The following DNAAF4 variants were observed in gnomAD, a reference collection of about 807,000 sequenced individuals.
The protein encoded by DNAAF4 is dynein assembly factor 4, axonemal.
Under a neutral mutation model 51.8 loss-of-function variants are expected in DNAAF4, and 43 were observed. The observed-to-expected ratio is 0.83, with a 90% CI of 0.65 to 1.07. The LOEUF is 1.07. DNAAF4 is among the 50% of genes least tolerant of loss of function. The probability of loss-of-function intolerance (pLI) is 0.00; values close to 1 mark genes in which losing one functional copy is unlikely to be tolerated. For synonymous variants in DNAAF4, 194 were observed against 165.6 expected, an observed-to-expected ratio of 1.17 and a Z score of -1.32; for missense variants, 581 against 493.0, an observed-to-expected ratio of 1.18 and a Z score of -1.69.
chr15:55,465,386 G>GTA (rs146504575), intron 5 of DNAAF4, among the ~76,000 whole-genome samples: 397 of 32,540 alleles, frequency 0.012, 2 homozygotes, highest in South Asian at 0.02. Context: ...AAAATATGGT[G>GTA]TATATATACA....
intron 6 of DNAAF4, chr15:55,442,877 T>C (rs1490504087): frequency 6.2e-7 from 1 of 1,612,292 alleles, no homozygotes; most frequent in African/African-American, 1.3e-5. Context: ...GTAGCATCAA[T>C]CATGGTTGCA....
chr15:55,440,744 C>G (rs1294310040), intron 6 of DNAAF4, among the ~76,000 whole-genome samples: 1 of 151,250 alleles, frequency 6.6e-6, no homozygotes, highest in Non-Finnish European at 1.5e-5. Flanking sequence ...TACAGTAGCA[C>G]AATCTCGGTT....
chr15:55,436,803 G>A (rs369930173), intron 7 of DNAAF4, among the ~76,000 whole-genome samples: 1 of 152,114 alleles, frequency 6.6e-6, no homozygotes, highest in Non-Finnish European at 1.5e-5. Context: ...ACAGGCGTGA[G>A]CCACTGTGCC....
In DNAAF4 at chr15:55,448,832, T is replaced by C. The variant is rs185774925; in HGVS notation, c.783+1390A>G. 9.3e-3 allele frequency among the ~76,000 whole-genome samples: 1,407 copies of C among 151,386 alleles called. 17 individuals are homozygous for C. Among genetic ancestry groups the C allele is most frequent in the African/African-American group, 0.032 (1,318 of 41,256 alleles). Reference sequence around the variant, plus strand: ...TTGCAGTGAGCGGAGACTGCGCCACTGCACTCCAGCCTAGGGGACAGAGCG... The same window carrying C: ...TTGCAGTGAGCGGAGACTGCGCCACCGCACTCCAGCCTAGGGGACAGAGCG... On this transcript the variant is annotated intron_variant, in intron 6 of 9. Coordinates refer to ENST00000321149, the MANE Select transcript of DNAAF4 (RefSeq NM_130810.4).
chr15:55,448,244 C>T (rs964636078), intron 6 of DNAAF4, among the ~76,000 whole-genome samples: 3 of 152,110 alleles, frequency 2.0e-5, no homozygotes, highest in African/African-American at 7.2e-5. Flanking sequence ...ACCAGCCTTG[C>T]ATCCCAGGGA....
intron 1 of DNAAF4, among the ~76,000 whole-genome samples, chr15:55,501,376 C>CTTT (rs1192104530): frequency 9.6e-6 from 1 of 104,514 alleles, no homozygotes; most frequent in Non-Finnish European, 2.0e-5. Flanking sequence ...TTCTTTCTTT[C>CTTT]TTTTTTTTTT....
intron 3 of DNAAF4, 61 bp downstream of exon 3, chr15:55,497,651 T>C (rs552098174): frequency 6.5e-7 from 1 of 1,532,368 alleles, no homozygotes; most frequent in Non-Finnish European, 8.7e-7. Context: ...AATAAAATTT[T>C]TTAAAAGGTC....
intron 5 of DNAAF4, among the ~76,000 whole-genome samples, chr15:55,451,182 C>T (rs146425668): frequency 1.8e-4 from 27 of 152,318 alleles, no homozygotes; most frequent in African/African-American, 6.0e-4. Context: ...CGCTCTTAGA[C>T]TCAAAGATGA....
chr15:55,421,330 A>G lies in DNAAF4; in HGVS notation c.1048-3197T>C, dbSNP rs150651078. On this transcript the variant is annotated intron_variant, in intron 7 of 7. Transcript: ENST00000448430. ...AGCCTGGGCAACATGGTGAGACCAC[A>G]TCTCTACTAAAAATACAAAATGCTT... Among the ~76,000 whole-genome samples, 901 of 151,648 alleles carry G rather than the reference A, an allele frequency of 5.9e-3. 8 individuals carry two copies. The highest frequency in any genetic ancestry group is 0.021 in the African/African-American group (863 of 41,328).
chr15:55,496,432 G>C (rs1460803654), intron 3 of DNAAF4, among the ~76,000 whole-genome samples: 1 of 152,140 alleles, frequency 6.6e-6, no homozygotes, highest in East Asian at 1.9e-4. Flanking sequence ...AACTGCTAAG[G>C]CTCCAGTTCC....
intron 4 of DNAAF4, among the ~76,000 whole-genome samples, chr15:55,470,216 TA>T (rs1418173977): frequency 2.6e-5 from 4 of 152,178 alleles, no homozygotes; most frequent in Admixed American, 2.6e-4. Flanking sequence ...CACGCCTGGC[TA>T]ATTTTTGTAT....
chr15:55,465,477 G>T (rs1286894762), intron 5 of DNAAF4, among the ~76,000 whole-genome samples: 2 of 150,810 alleles, frequency 1.3e-5, no homozygotes, highest in African/African-American at 4.9e-5. Context: ...TAAAATAATG[G>T]CATTCTCGGC....
At chr15:55,478,793 T>C (rs1302152728) in intron 4 of DNAAF4, among the ~76,000 whole-genome samples, 1 of 152,124 alleles carries the variant, frequency 6.6e-6, no homozygotes, top group Non-Finnish European at 1.5e-5. Context: ...TGGAGTTGCA[T>C]CCCCTCAAAA....
At chr15:55,492,301 A>G (rs1595953876) in intron 3 of DNAAF4, among the ~76,000 whole-genome samples, 1 of 150,004 alleles carries the variant, frequency 6.7e-6, no homozygotes, top group Non-Finnish European at 1.5e-5. Flanking sequence ...ACAGAAGGGG[A>G]GAGGAGAAAA....
intron 5 of DNAAF4, among the ~76,000 whole-genome samples, chr15:55,451,867 C>A (rs1053503849): frequency 6.6e-6 from 1 of 152,100 alleles, no homozygotes; most frequent in African/African-American, 2.4e-5. Flanking sequence ...GCAATCCTCC[C>A]ATCTTGGCCT....
chr15:55,442,523 C>T lies in DNAAF4; in HGVS notation c.784-2942G>A, dbSNP rs561459517. ...CAGAAGGCTGTTTCGGAAGGTCACT[C>T]TTGGCAGGCTTCTCCCTACAGGGAT... On this transcript the variant is annotated intron_variant, in intron 6 of 9. Coordinates refer to ENST00000321149, the MANE Select transcript of DNAAF4 (RefSeq NM_130810.4). 207 of 797,756 alleles carry T rather than the reference C, an allele frequency of 2.6e-4. 1 individual carries two copies. The Middle Eastern group carries it at 3.3e-3, about 13-fold the overall frequency. 49.4% of individuals were successfully genotyped at this position (797,756 alleles called of 1,614,324 possible). A position where few individuals can be genotyped will look rare whatever the true frequency, so the allele number is the denominator to read the frequency against.
rs2058723389 is a variant in DNAAF4 at position 55,505,656 on chromosome 15, T to C, written c.-256+2466A>G. ...CTGGAAACCATCACTCTCAGCAAAA[T>C]AGCACAAGGGCAGAAAACCAAACAC... On this transcript the variant is annotated intron_variant, in intron 1 of 9. Coordinates refer to ENST00000321149, the MANE Select transcript of DNAAF4 (RefSeq NM_130810.4). 2.6e-5 allele frequency among the ~76,000 whole-genome samples: 4 copies of C among 151,208 alleles called. No homozygotes were observed. The South Asian group carries it at 6.2e-4, about 24-fold the overall frequency.
chr15:55,431,167 C>A (rs1332352291), intron 9 of DNAAF4, among the ~76,000 whole-genome samples: 4 of 152,108 alleles, frequency 2.6e-5, no homozygotes, highest in Admixed American at 2.0e-4. Context: ...CCCACCTTGG[C>A]CTCCCAAAGT....
At chr15:55,467,986 C>T (rs1455511527) in intron 4 of DNAAF4, among the ~76,000 whole-genome samples, 2 of 152,166 alleles carry the variant, frequency 1.3e-5, no homozygotes, top group Non-Finnish European at 2.9e-5. Flanking sequence ...CCTCTATCCA[C>T]TAGAGAAGCA....
Sources: allele counts gnomAD v4.1 joint callset (sites outside exome capture counted in the v4.1 genomes callset), GRCh38; gene constraint gnomAD v4.1.1; transcripts MANE v1.5; gene names NCBI Gene and HGNC (gene_info 2026-07-23, HGNC 2026-07-21).